Variants in PIP5K1B observed in about 807,000 individuals in gnomAD.
The protein encoded by PIP5K1B is phosphatidylinositol 4-phosphate 5-kinase type-1 beta.
A neutral mutation model predicts 67.0 loss-of-function variants in PIP5K1B; 42 were observed. That is an observed-to-expected ratio of 0.63 (90% CI 0.49 to 0.81). The LOEUF (loss-of-function observed/expected upper bound fraction) is 0.81, where lower values mean the gene tolerates loss of function less well. Ranked by LOEUF, PIP5K1B falls within the 30% of genes least tolerant of loss-of-function variation. The probability of loss-of-function intolerance (pLI) is 0.00; values close to 1 mark genes in which losing one functional copy is unlikely to be tolerated. For missense variants in PIP5K1B, 459 were observed against 646.3 expected, an observed-to-expected ratio of 0.71 and a Z score of 3.14; for synonymous variants, 214 against 231.4, an observed-to-expected ratio of 0.92 and a Z score of 0.68.
chr9:68,824,867 C>T (rs1305353643), intron 4 of PIP5K1B, among the ~76,000 whole-genome samples: 1 of 152,120 alleles, frequency 6.6e-6, no homozygotes, highest in Non-Finnish European at 1.5e-5. Flanking sequence ...CCAGATAAAC[C>T]ATTTCCCAGA....
chr9:68,914,406 A>G (rs1334200165), intron 8 of PIP5K1B, among the ~76,000 whole-genome samples: 2 of 152,108 alleles, frequency 1.3e-5, no homozygotes, highest in Non-Finnish European at 2.9e-5. Context: ...AGGGCAGAAG[A>G]CTGTGTTTTT....
At chr9:68,785,327 C>T (rs1218387453) in intron 2 of PIP5K1B, among the ~76,000 whole-genome samples, 2 of 152,122 alleles carry the variant, frequency 1.3e-5, no homozygotes, top group Non-Finnish European at 2.9e-5. Flanking sequence ...AATCTGGTCT[C>T]AATGTAGGTC....
At chr9:68,950,666 G>A (rs749747621) in intron 14 of PIP5K1B, among the ~76,000 whole-genome samples, 1 of 152,150 alleles carries the variant, frequency 6.6e-6, no homozygotes, top group Non-Finnish European at 1.5e-5. Context: ...CCACCCAGAG[G>A]TCCTCTAGCT....
intron 5 of PIP5K1B, 94 bp downstream of exon 5, chr9:68,864,061 A>G: frequency 8.5e-7 from 1 of 1,175,790 alleles, no homozygotes; most frequent in South Asian, 1.4e-5. Flanking sequence ...GTACATGTTT[A>G]TATGTACAGA....
At chr9:68,892,861 A>C (rs988090795) in intron 7 of PIP5K1B, among the ~76,000 whole-genome samples, 1 of 152,194 alleles carries the variant, frequency 6.6e-6, no homozygotes, top group Non-Finnish European at 1.5e-5. Context: ...ACTTGAGGTC[A>C]GGAGTTCGAG....
intron 14 of PIP5K1B, among the ~76,000 whole-genome samples, chr9:68,947,733 A>T (rs1318226910): frequency 6.6e-6 from 1 of 152,216 alleles, no homozygotes; most frequent in African/African-American, 2.4e-5. Context: ...AGTAGCCATA[A>T]ATTTTTTAAT....
intron 8 of PIP5K1B, among the ~76,000 whole-genome samples, chr9:68,905,786 G>A (rs1026118499): frequency 6.6e-6 from 1 of 152,076 alleles, no homozygotes; most frequent in African/African-American, 2.4e-5. Context: ...TGGTGCTGTA[G>A]GACCAGGGCC....
intron 4 of PIP5K1B, among the ~76,000 whole-genome samples, chr9:68,841,529 T>C (rs1821921140): frequency 1.3e-5 from 2 of 152,240 alleles, no homozygotes; most frequent in Non-Finnish European, 2.9e-5. Context: ...AGTGACTTCA[T>C]GTGTACCATG....
intron 8 of PIP5K1B, among the ~76,000 whole-genome samples, chr9:68,914,421 A>G (rs77760887): frequency 2.0e-5 from 3 of 152,288 alleles, no homozygotes; most frequent in Non-Finnish European, 4.4e-5. Context: ...GTTTTTGCCA[A>G]TTGAAAATTC....
chr9:68,748,749 G>C (rs377386515), intron 2 of PIP5K1B, among the ~76,000 whole-genome samples: 1 of 151,530 alleles, frequency 6.6e-6, no homozygotes. Context: ...AGCCTCCTGA[G>C]TAGTGGGATT....
intron 8 of PIP5K1B, among the ~76,000 whole-genome samples, chr9:68,902,432 C>T (rs1311953526): frequency 6.6e-6 from 1 of 152,084 alleles, no homozygotes; most frequent in Non-Finnish European, 1.5e-5. Context: ...CCAATTATTG[C>T]CTGTATCAGT....
chr9:68,943,834 G>C (rs1456502004), intron 14 of PIP5K1B, among the ~76,000 whole-genome samples: 1 of 152,216 alleles, frequency 6.6e-6, no homozygotes, highest in Non-Finnish European at 1.5e-5. Flanking sequence ...TCAACTAGCA[G>C]TTGTCATTCT....
intron 1 of PIP5K1B, among the ~76,000 whole-genome samples, chr9:68,710,852 A>G (rs1303845790): frequency 6.6e-6 from 1 of 152,222 alleles, no homozygotes; most frequent in African/African-American, 2.4e-5. Context: ...GATGCACAGT[A>G]AGTTCTTGAG....
At chr9:68,909,532 G>C (rs145358960) in intron 8 of PIP5K1B, among the ~76,000 whole-genome samples, 1,699 of 152,182 alleles carry the variant, frequency 0.011, 22 homozygotes, top group East Asian at 0.022. Flanking sequence ...TTTGGATCAG[G>C]ATTTAAATAG....
At position 68,714,170 on chromosome 9, in the gene PIP5K1B, C is replaced by T. The variant is rs191295505; in HGVS notation, c.-243+8408C>T. On this transcript the variant is annotated intron_variant, in intron 1 of 15. Transcript: ENST00000265382. ...ACTCTAGTTTGCATAATTGACATTGCGCTTGGATATCCCAAAGGCACCTCA... is the reference window on the plus strand; with the variant it reads ...ACTCTAGTTTGCATAATTGACATTGTGCTTGGATATCCCAAAGGCACCTCA... Among the ~76,000 whole-genome samples, 131 of 152,292 alleles carry T rather than the reference C, an allele frequency of 8.6e-4. No homozygotes were observed. In the Middle Eastern group the frequency reaches 0.014, roughly 16 times the overall value.
At chr9:68,905,489 A>G (rs1356955499) in intron 8 of PIP5K1B, among the ~76,000 whole-genome samples, 2 of 152,222 alleles carry the variant, frequency 1.3e-5, no homozygotes, top group Non-Finnish European at 2.9e-5. Flanking sequence ...TTGAGGCTCC[A>G]TACCTTGGGA....
intron 8 of PIP5K1B, among the ~76,000 whole-genome samples, chr9:68,909,684 G>GT (rs1204976639): frequency 6.6e-6 from 1 of 152,124 alleles, no homozygotes; most frequent in Non-Finnish European, 1.5e-5. Flanking sequence ...TCTCTTGTGC[G>GT]TTTTTTCTGT....
intron 2 of PIP5K1B, among the ~76,000 whole-genome samples, chr9:68,815,139 T>C (rs899967838): frequency 3.3e-5 from 5 of 152,032 alleles, no homozygotes; most frequent in South Asian, 2.1e-4. Context: ...CTGGATCAAA[T>C]TGAAAATCAA....
chr9:68,910,479 AC>A, intron 8 of PIP5K1B, among the ~76,000 whole-genome samples: 1 of 152,282 alleles, frequency 6.6e-6, no homozygotes, highest in Admixed American at 6.5e-5. Flanking sequence ...GTAGTGTTTT[AC>A]ATTCTTTATT....
Sources: allele counts gnomAD v4.1 joint callset (sites outside exome capture counted in the v4.1 genomes callset), GRCh38; gene constraint gnomAD v4.1.1; transcripts MANE v1.5; gene names NCBI Gene and HGNC (gene_info 2026-07-23, HGNC 2026-07-21).